GPD2: variants seen among roughly 807,000 people sequenced by gnomAD.
GPD2 encodes glycerol-3-phosphate dehydrogenase, mitochondrial.
A neutral mutation model predicts 82.4 loss-of-function variants in GPD2; 54 were observed. The observed-to-expected ratio is 0.66, with a 90% CI of 0.53 to 0.82. The LOEUF is 0.82. Ranked by LOEUF, GPD2 falls within the 40% of genes least tolerant of loss-of-function variation. GPD2 has a pLI of 0.00. For missense variants in GPD2, 748 were observed against 896.2 expected (o/e 0.83, Z 2.11); for synonymous variants, 288 against 306.1 (o/e 0.94, Z 0.62).
At chr2:156,428,812 C>G in the GPD2 span, among the ~76,000 whole-genome samples, 1 of 152,178 alleles carries the variant, frequency 6.6e-6, no homozygotes, top group Admixed American at 6.5e-5. Context: ...TCTCTGCTTT[C>G]CTGTCTTCCA....
upstream of GPD2, among the ~76,000 whole-genome samples, chr2:156,431,139 A>C (rs1335580859): frequency 6.6e-6 from 1 of 152,234 alleles, no homozygotes; most frequent in Non-Finnish European, 1.5e-5. Context: ...TCTTAGGCAC[A>C]GGAGAAAGGA....
At chr2:156,497,194 T>C (rs1449790518) in intron 3 of GPD2, among the ~76,000 whole-genome samples, 1 of 152,214 alleles carries the variant, frequency 6.6e-6, no homozygotes, top group Non-Finnish European at 1.5e-5. Flanking sequence ...GCACTTAATT[T>C]GTCTAAGGTT....
chr2:156,550,815 C>T, intron 8 of GPD2, 69 bp downstream of exon 8: 1 of 1,271,070 alleles, frequency 7.9e-7, no homozygotes, highest in Non-Finnish European at 1.1e-6. Flanking sequence ...TGGTTTATTT[C>T]TTCTTCTAGC....
In GPD2 at chr2:156,568,971, T is replaced by C. The variant is rs1687496592; in HGVS notation, c.1300+12T>C. On this transcript the variant is annotated intron_variant, in intron 10 of 16. Transcript: ENST00000438166. ...TATTACTATAGCAGGTATGAGATAC[T>C]ACCTTGTTATTTTCTTTTCTTTTTT... 5 of 1,576,852 alleles carry C rather than the reference T, an allele frequency of 3.2e-6. No individual in the cohort carries two copies. In the Admixed American group the frequency reaches 6.8e-5, roughly 22 times the overall value.
intron 6 of GPD2, among the ~76,000 whole-genome samples, chr2:156,528,410 C>CT (rs1256614138): frequency 4.6e-5 from 7 of 150,948 alleles, no homozygotes; most frequent in South Asian, 4.2e-4. Flanking sequence ...CAATTTTTTT[C>CT]TTTTTTTCTT....
chr2:156,453,388 T>C (rs1033604657), intron 1 of GPD2, among the ~76,000 whole-genome samples: 1 of 152,132 alleles, frequency 6.6e-6, no homozygotes, highest in Non-Finnish European at 1.5e-5. Context: ...AATGCCAAGA[T>C]GGTGGAATGG....
At chr2:156,524,024 G>T (rs534412125) in intron 6 of GPD2, among the ~76,000 whole-genome samples, 1 of 152,252 alleles carries the variant, frequency 6.6e-6, no homozygotes, top group Non-Finnish European at 1.5e-5. Context: ...CACATGTACA[G>T]GTTTGTTACA....
chr2:156,400,436 G>A, the GPD2 span, among the ~76,000 whole-genome samples: 1 of 152,218 alleles, frequency 6.6e-6, no homozygotes, highest in African/African-American at 2.4e-5. Flanking sequence ...AGCCTGGGGA[G>A]GTGCCAGCTC....
chr2:156,510,303 A>C (rs1271400616), intron 3 of GPD2, among the ~76,000 whole-genome samples: 1 of 151,734 alleles, frequency 6.6e-6, no homozygotes, highest in African/African-American at 2.4e-5. Context: ...ATACCACTCC[A>C]GATGCATTTC....
chr2:156,532,733 A>G (rs1685914958), intron 6 of GPD2, among the ~76,000 whole-genome samples: 1 of 152,198 alleles, frequency 6.6e-6, no homozygotes, highest in Non-Finnish European at 1.5e-5. Context: ...AGTATAACTG[A>G]CAAATGCTTT....
intron 1 of GPD2, among the ~76,000 whole-genome samples, chr2:156,461,758 A>T (rs1682996606): frequency 6.6e-6 from 1 of 152,186 alleles, no homozygotes; most frequent in Admixed American, 6.5e-5. Context: ...CTTAATTTTT[A>T]TGTTTGTTTA....
chr2:156,505,741 G>A (rs910875698), intron 3 of GPD2, among the ~76,000 whole-genome samples: 5 of 152,020 alleles, frequency 3.3e-5, no homozygotes, highest in African/African-American at 1.2e-4. Flanking sequence ...TGCCCTTCAG[G>A]CTTAATTATT....
chr2:156,525,315 A>G (rs896366846), intron 6 of GPD2, among the ~76,000 whole-genome samples: 5 of 152,176 alleles, frequency 3.3e-5, no homozygotes, highest in South Asian at 2.1e-4. Context: ...TCAGTGGTCT[A>G]TGATGATTTC....
chr2:156,540,376 T>C (rs915056137), intron 6 of GPD2, among the ~76,000 whole-genome samples: 1 of 152,168 alleles, frequency 6.6e-6, no homozygotes, highest in Non-Finnish European at 1.5e-5. Context: ...CAGGTTAAAG[T>C]TCTGTATCCC....
At chr2:156,576,314 G>T (rs1271596491) in intron 13 of GPD2, among the ~76,000 whole-genome samples, 1 of 152,086 alleles carries the variant, frequency 6.6e-6, no homozygotes, top group Non-Finnish European at 1.5e-5. Context: ...TCTGATAATT[G>T]TATTGTATGA....
chr2:156,401,327 T>G, the GPD2 span, among the ~76,000 whole-genome samples: 1 of 152,256 alleles, frequency 6.6e-6, no homozygotes, highest in Non-Finnish European at 1.5e-5. Context: ...AATTAAATTT[T>G]TAATCACATA....
intron 9 of GPD2, among the ~76,000 whole-genome samples, chr2:156,563,098 C>T (rs574173134): frequency 9.2e-5 from 14 of 152,222 alleles, no homozygotes; most frequent in Non-Finnish European, 1.8e-4. Context: ...AATATATAGT[C>T]ACTAGAAACC....
chr2:156,520,096 C>T (rs1460785842), intron 6 of GPD2, among the ~76,000 whole-genome samples: 3 of 152,190 alleles, frequency 2.0e-5, no homozygotes, highest in Non-Finnish European at 4.4e-5. Context: ...AAGATAACCT[C>T]CCTGTCTCCA....
intron 1 of GPD2, among the ~76,000 whole-genome samples, chr2:156,471,515 G>A (rs1393718063): frequency 1.3e-5 from 2 of 151,998 alleles, no homozygotes; most frequent in Non-Finnish European, 2.9e-5. Flanking sequence ...ATTTCTAGCT[G>A]TACATCATCT....
Sources: allele counts gnomAD v4.1 joint callset (sites outside exome capture counted in the v4.1 genomes callset), GRCh38; gene constraint gnomAD v4.1.1; transcripts MANE v1.5; gene names NCBI Gene and HGNC (gene_info 2026-07-23, HGNC 2026-07-21).